The following PCDHA8 variants were observed in gnomAD, a reference collection of about 807,000 sequenced individuals.
The protein encoded by PCDHA8 is protocadherin alpha 8, also known as protocadherin alpha-8.
Under a neutral mutation model 61.8 loss-of-function variants are expected in PCDHA8, and 53 were observed. That is an observed-to-expected ratio of 0.86 (90% CI 0.69 to 1.08). The LOEUF (loss-of-function observed/expected upper bound fraction) is 1.08, where lower values mean the gene tolerates loss of function less well. Among genes scored for constraint, PCDHA8 ranks in the 50% least tolerant of loss-of-function variants. The pLI is 0.00. For missense variants in PCDHA8, 1,293 were observed against 1,245.0 expected, an observed-to-expected ratio of 1.04 and a Z score of -0.58; for synonymous variants, 618 against 556.6, an observed-to-expected ratio of 1.11 and a Z score of -1.55.
chr5:140,974,975 T>A (rs782637911), intron 1 of PCDHA8, among the ~76,000 whole-genome samples: 1 of 152,222 alleles, frequency 6.6e-6, no homozygotes, highest in African/African-American at 2.4e-5. Context: ...GTGGCTGAGT[T>A]GTCCGCTCAG....
Position 140,842,293 on chromosome 5 carries a change from C to A in PCDHA8, c.972C>A (p.Asp324Glu). The A allele has an allele frequency of 6.2e-7, 1 of 1,609,994 alleles. No individual in the cohort carries two copies. Among genetic ancestry groups the A allele is most frequent in the Non-Finnish European group, 8.5e-7 (1 of 1,176,538 alleles). ...ACAAAATCCTCATTGACGCCACGGA[C>A]AAAGGCCATCCTCCCATGGCGGGTC... is the stretch of plus-strand genomic sequence containing the variant. ...NLYKILIDAT[D>E]KGHPPMAGHC... The change falls in exon 1 of 4, where the codon GAC becomes GAA. Residue 324 changes from aspartate to glutamate, a missense_variant. Transcript: ENST00000531613.
At chr5:140,962,220 T>A (rs1174731292) in intron 1 of PCDHA8, among the ~76,000 whole-genome samples, 2 of 152,186 alleles carry the variant, frequency 1.3e-5, no homozygotes, top group African/African-American at 4.8e-5. Flanking sequence ...GATCTTGAGG[T>A]TCAAGTTTCA....
intron 3 of PCDHA8, among the ~76,000 whole-genome samples, chr5:140,987,219 A>G (rs1340141684): frequency 6.6e-6 from 1 of 151,240 alleles, no homozygotes; most frequent in African/African-American, 2.5e-5. Flanking sequence ...ATCTCAAAAA[A>G]AAAAAAAATA....
intron 1 of PCDHA8, among the ~76,000 whole-genome samples, chr5:140,941,542 C>T (rs782270560): frequency 4.0e-5 from 6 of 151,842 alleles, no homozygotes; most frequent in Non-Finnish European, 7.4e-5. Context: ...GTCTTGAACT[C>T]CTGACCTCGT....
rs2150356626 is a variant in PCDHA8 at position 140,843,293 on chromosome 5, G to A, written c.1972G>A (p.Ala658Thr). ...LVLVKDHGEP[A>T]LTATATVLVS... ...CCTGGTGAAGGATCATGGTGAACCT[G>A]CGCTGACCGCCACGGCCACGGTTCT... is the stretch of plus-strand genomic sequence containing the variant. Residue 658 changes from alanine (A) to threonine (T), a missense_variant, in exon 1 of 4, where the codon GCG becomes ACG. Physicochemically the swap from Ala to Thr is moderately conservative, Grantham distance 58. Coordinates refer to ENST00000531613, the MANE Select transcript of PCDHA8 (RefSeq NM_018911.3). The A allele has an allele frequency of 3.8e-6, 6 of 1,595,972 alleles. No homozygotes were observed. In the African/African-American group the frequency reaches 4.0e-5, roughly 11 times the overall value.
chr5:140,851,042 C>A lies in PCDHA8; in HGVS notation c.2394+7327C>A, dbSNP rs2150268615. ...TAAAGTAAACCCCTTAACATTGGAG[C>A]CGACTTTGTCTTGACTTCTAGTGAG... On this transcript the variant is annotated intron_variant, in intron 1 of 3. Coordinates refer to ENST00000531613, the MANE Select transcript of PCDHA8 (RefSeq NM_018911.3). The A allele has an allele frequency of 2.2e-6, 3 of 1,392,218 alleles. No individual in the cohort carries two copies. The East Asian group carries it at 7.5e-5, about 35-fold the overall frequency. The allele number at this position is 1,392,218 out of a possible 1,614,324, so 86.2% of individuals were successfully genotyped here.
At chr5:140,849,528 G>T in intron 1 of PCDHA8, 4 of 1,597,792 alleles carry the variant, frequency 2.5e-6, no homozygotes, top group Non-Finnish European at 3.4e-6. Flanking sequence ...GGATGTAAAT[G>T]ACAATGCTCC....
chr5:140,850,864 C>T, intron 1 of PCDHA8: 1 of 1,593,486 alleles, frequency 6.3e-7, no homozygotes, highest in Non-Finnish European at 8.6e-7. Context: ...GGAGAACCCT[C>T]TGCTTCCTCA....
chr5:141,009,654 C>T lies in PCDHA8; in HGVS notation c.2570C>T (p.Pro857Leu). 4 of 1,614,012 alleles carry T rather than the reference C, an allele frequency of 2.5e-6. No individual in the cohort carries two copies. The highest frequency in any genetic ancestry group is 3.4e-6 in the Non-Finnish European group (4 of 1,179,962). The change falls in exon 4 of 4, where the codon CCA becomes CTA. Residue 857 changes from proline to leucine, a missense_variant. Pro to Leu is a moderately conservative substitution (Grantham distance 98, BLOSUM62 -3). Coordinates refer to ENST00000531613, the MANE Select transcript of PCDHA8 (RefSeq NM_018911.3). ...CCAGAGGCAGGAGAAGTGTCCCCTC[C>T]AGTCGGTGCGGGTGTCAACAGCAAC... ...PEPEAGEVSP[P>L]VGAGVNSNSW...
intron 3 of PCDHA8, among the ~76,000 whole-genome samples, chr5:140,991,204 A>C (rs1416431011): frequency 6.6e-6 from 1 of 152,198 alleles, no homozygotes; most frequent in East Asian, 1.9e-4. Flanking sequence ...ATGCTCAATA[A>C]ATTTTGTTAA....
intron 1 of PCDHA8, chr5:140,870,675 C>T (rs1554164570): frequency 6.2e-7 from 1 of 1,612,672 alleles, no homozygotes. Flanking sequence ...CGTTGGACCA[C>T]GAGGAGCTGG....
At chr5:140,850,822 T>C (rs2150499747) in intron 1 of PCDHA8, 4 of 1,598,166 alleles carry the variant, frequency 2.5e-6, no homozygotes, top group Non-Finnish European at 3.4e-6. Flanking sequence ...AGCCCGGGCC[T>C]TTCTCCTTGT....
intron 2 of PCDHA8, among the ~76,000 whole-genome samples, chr5:140,981,682 C>T (rs2096944253): frequency 6.6e-6 from 1 of 151,668 alleles, no homozygotes; most frequent in South Asian, 2.1e-4. Flanking sequence ...TCCTTCCTCC[C>T]TTCCATCATT....
At chr5:140,876,135 A>T (rs782217370) in intron 1 of PCDHA8, 2 of 1,613,954 alleles carry the variant, frequency 1.2e-6, no homozygotes, top group Admixed American at 3.3e-5. Context: ...GTAAACCAGA[A>T]CTAACAGGGT....
At chr5:141,003,832 G>C (rs1261830894) in intron 3 of PCDHA8, among the ~76,000 whole-genome samples, 1 of 152,102 alleles carries the variant, frequency 6.6e-6, no homozygotes, top group Non-Finnish European at 1.5e-5. Flanking sequence ...TCTGCCTAAC[G>C]ATTCAGACCC....
intron 1 of PCDHA8, chr5:140,927,515 G>A (rs782499434): frequency 1.2e-6 from 2 of 1,614,100 alleles, no homozygotes; most frequent in South Asian, 1.1e-5. Flanking sequence ...GCTCGGGACG[G>A]CGGGCTACCT....
chr5:140,928,733 A>G (rs1435823697), intron 1 of PCDHA8: 2 of 1,614,100 alleles, frequency 1.2e-6, no homozygotes, highest in Non-Finnish European at 1.7e-6. Context: ...ATTTCAGCCA[A>G]TATAGGTGAG....
intron 3 of PCDHA8, among the ~76,000 whole-genome samples, chr5:141,007,109 GA>G (rs1473367544): frequency 6.6e-6 from 1 of 152,138 alleles, no homozygotes; most frequent in Non-Finnish European, 1.5e-5. Flanking sequence ...CAAACCCAAG[GA>G]AGCTTCAACA....
intron 1 of PCDHA8, chr5:140,929,216 A>G: frequency 6.2e-7 from 1 of 1,614,100 alleles, no homozygotes; most frequent in Non-Finnish European, 8.5e-7. Flanking sequence ...CGTGGGGAGT[A>G]CAATGCTGCC....
Sources: gnomAD v4.1 joint callset for allele counts (sites outside exome capture counted in the v4.1 genomes callset) on GRCh38, gnomAD v4.1.1 for gene constraint, MANE v1.5 for transcripts, NCBI Gene and HGNC (gene_info 2026-07-23, HGNC 2026-07-21) for gene names.